MADD: variants seen among roughly 807,000 people sequenced by gnomAD.
MADD encodes MAP kinase-activating death domain protein.
In MADD, 109 loss-of-function variants were observed where a neutral mutation model predicts 176.7. The observed-to-expected ratio is 0.62, with a 90% CI of 0.53 to 0.72. The LOEUF (loss-of-function observed/expected upper bound fraction) is 0.72. Ranked by LOEUF, MADD falls within the 30% of genes least tolerant of loss-of-function variation. The probability of loss-of-function intolerance (pLI) is 0.00; values close to 1 mark genes in which losing one functional copy is unlikely to be tolerated. For synonymous variants in MADD, 771 were observed against 771.3 expected (o/e 1.00, Z 0.01); for missense variants, 1,914 against 2,045.5 (o/e 0.94, Z 1.24).
At chr11:47,288,975 G>T (rs778731467) in intron 15 of MADD, 2 of 1,599,778 alleles carry the variant, frequency 1.3e-6, no homozygotes, top group Non-Finnish European at 1.7e-6. Context: ...CAGTATTTGG[G>T]CTAAATACTC....
At chr11:47,300,518 G>C (rs1445163347) in intron 22 of MADD, among the ~76,000 whole-genome samples, 1 of 149,620 alleles carries the variant, frequency 6.7e-6, no homozygotes, top group East Asian at 2.0e-4. Context: ...TTTTCTTTGA[G>C]ACAGAGTCTC....
chr11:47,328,210 A>G lies in MADD; in HGVS notation c.4613-448A>G, dbSNP rs544663505. 44 of 1,068,400 alleles carry G rather than the reference A, an allele frequency of 4.1e-5. No homozygotes were observed. The South Asian group carries it at 7.2e-4, about 17-fold the overall frequency. 66.2% of individuals were successfully genotyped at this position (1,068,400 alleles called of 1,614,324 possible). A position where few individuals can be genotyped will look rare whatever the true frequency, so the allele number is the denominator to read the frequency against. On this transcript the variant is annotated intron_variant, in intron 31 of 32. Transcript: ENST00000402192. ...CGGGAACTGTGTTTAACATGACCCA[A>G]TTTTCAGGCTGGTGACGAGTTCACG...
At position 47,305,172 on chromosome 11, in the gene MADD, T is replaced by C. The variant is rs188116146; in HGVS notation, c.3643-3419T>C. Among the ~76,000 whole-genome samples, 359 of 152,236 alleles carry C rather than the reference T, an allele frequency of 2.4e-3. 2 individuals carry two copies. Among genetic ancestry groups the C allele is most frequent in the African/African-American group, 8.2e-3 (340 of 41,526 alleles). On this transcript the variant is annotated intron_variant, in intron 22 of 32. Transcript: ENST00000402192. ...GGAGTGACTCAGCCAAGAGAATCCC[T>C]CTTGGTGTCAGGTCTGACTGACATG...
intron 15 of MADD, among the ~76,000 whole-genome samples, chr11:47,287,777 CAT>C (rs888488840): frequency 7.5e-6 from 1 of 133,298 alleles, no homozygotes; most frequent in Admixed American, 8.6e-5. Flanking sequence ...CAGTGAGAAA[CAT>C]GTATTTTTTT....
chr11:47,301,183 G>A (rs1409925493), intron 22 of MADD, among the ~76,000 whole-genome samples: 1 of 151,918 alleles, frequency 6.6e-6, no homozygotes, highest in Non-Finnish European at 1.5e-5. Context: ...TGCAATCTTG[G>A]CTCACTGCAG....
rs1051006 is a variant in MADD, at chr11:47,285,034, G to A, written c.2251G>A (p.Val751Met). 335,317 of 1,613,852 alleles carry A rather than the reference G, an allele frequency of 0.21. 41,896 individuals carry two copies. The highest frequency in any genetic ancestry group is 0.6 in the East Asian group (27,043 of 44,850). ...GCCTCCCAGCATTGGCAAATCGAAC[G>A]TGGACAGACGTCAGGCAGAAATTGG... Residue 751 changes from valine to methionine, a missense_variant, in exon 13 of 33, where the codon GTG (valine) becomes ATG (methionine). Transcript: ENST00000402192.
At chr11:47,295,158 C>G (rs1017206163) in intron 20 of MADD, among the ~76,000 whole-genome samples, 2 of 151,744 alleles carry the variant, frequency 1.3e-5, no homozygotes, top group African/African-American at 4.8e-5. Context: ...CCGCAGGCAC[C>G]CACCACCATG....
intron 7 of MADD, among the ~76,000 whole-genome samples, chr11:47,279,537 C>T (rs911631479): frequency 6.6e-6 from 1 of 151,898 alleles, no homozygotes; most frequent in African/African-American, 2.4e-5. Context: ...CGCCGCCACA[C>T]CCGGCTAATT....
At chr11:47,271,502 A>G (rs1474106417) in intron 1 of MADD, among the ~76,000 whole-genome samples, 2 of 152,124 alleles carry the variant, frequency 1.3e-5, no homozygotes, top group Non-Finnish European at 2.9e-5. Flanking sequence ...GAGTTTCGTC[A>G]GATAGTTGTC....
At chr11:47,326,955 CCT>C in intron 31 of MADD, 148 bp downstream of exon 35, 1 of 1,431,468 alleles carries the variant, frequency 7.0e-7, no homozygotes, top group Non-Finnish European at 9.2e-7. Context: ...AAAAGGGACC[CCT>C]GAGATGAGAG....
chr11:47,281,345 A>G (rs1320046486), intron 7 of MADD, among the ~76,000 whole-genome samples: 1 of 152,244 alleles, frequency 6.6e-6, no homozygotes, highest in African/African-American at 2.4e-5. Flanking sequence ...GGAGAGCTAC[A>G]TATTTCAAAC....
rs558934952 is a variant in MADD, at chr11:47,284,203, G to A, written c.1888G>A (p.Asp630Asn). ...TGGCAGTGATAGTATGGATTATGAC[G>A]ATTCAAGCTCTTCTTACTCCTCCCT... is the stretch of plus-strand genomic sequence containing the variant. Residue 630 changes from aspartate to asparagine, a missense_variant, in exon 11 of 33, where the codon GAT (aspartate) becomes AAT (asparagine). Transcript: ENST00000402192. 23 of 1,613,684 alleles carry A rather than the reference G, an allele frequency of 1.4e-5. No homozygotes were observed. Among genetic ancestry groups the A allele is most frequent in the Non-Finnish European group, 1.8e-5 (21 of 1,179,810 alleles).
chr11:47,291,472 G>A (rs558776407), intron 19 of MADD, among the ~76,000 whole-genome samples: 15 of 152,168 alleles, frequency 9.9e-5, no homozygotes, highest in Non-Finnish European at 2.2e-4. Flanking sequence ...AGTCATCGAG[G>A]TTGGATCTTT....
chr11:47,328,426 C>T (rs537224108), intron 31 of MADD: 96 of 1,427,636 alleles, frequency 6.7e-5, no homozygotes, highest in African/African-American at 1.1e-4. Flanking sequence ...AACGCCACTG[C>T]GGATGACAGA....
chr11:47,277,341 G>A (rs1376261620), intron 5 of MADD, among the ~76,000 whole-genome samples: 1 of 152,202 alleles, frequency 6.6e-6, no homozygotes, highest in African/African-American at 2.4e-5. Context: ...CCCCCAGGCT[G>A]GAGTACAGTG....
At chr11:47,296,764 G>GTT (rs753454831) in intron 22 of MADD, among the ~76,000 whole-genome samples, 10,799 of 116,782 alleles carry the variant, frequency 0.092, 585 homozygotes, top group Non-Finnish European at 0.12. Flanking sequence ...GTTTTTTGTT[G>GTT]TTTTTTTTTT....
At chr11:47,308,499 C>G in intron 22 of MADD, 92 bp from the exon 25 acceptor site, 1 of 802,140 alleles carries the variant, frequency 1.2e-6, no homozygotes, top group South Asian at 1.6e-5. Context: ...TGGATGGTGA[C>G]TGGTGTGAGA....
intron 18 of MADD, 74 bp from the exon 20 acceptor site, chr11:47,290,536 G>A: frequency 6.9e-7 from 1 of 1,457,808 alleles, no homozygotes; most frequent in Non-Finnish European, 9.4e-7. Context: ...CTGTATCCTG[G>A]CTCCTCCCAC....
intron 22 of MADD, among the ~76,000 whole-genome samples, chr11:47,304,968 A>G (rs542821006): frequency 6.6e-6 from 1 of 152,266 alleles, no homozygotes; most frequent in South Asian, 2.1e-4. Context: ...GTTTCTGGAT[A>G]GATGTAGTGG....
Sources: gnomAD v4.1 joint callset for allele counts (sites outside exome capture counted in the v4.1 genomes callset) on GRCh38, gnomAD v4.1.1 for gene constraint, MANE v1.5 for transcripts, NCBI Gene and HGNC (gene_info 2026-07-23, HGNC 2026-07-21) for gene names.